Variants in TAFA2 observed in about 807,000 individuals in gnomAD.
TAFA2 encodes the protein TAFA chemokine like family member 2.
In TAFA2, 7 loss-of-function variants were observed where a neutral mutation model predicts 18.8. That is an observed-to-expected ratio of 0.37 (90% CI 0.21 to 0.70). The LOEUF (loss-of-function observed/expected upper bound fraction) is 0.70, where lower values mean the gene tolerates loss of function less well. Ranked by LOEUF, TAFA2 falls within the 30% of genes least tolerant of loss-of-function variation. The probability of loss-of-function intolerance (pLI) is 0.53; values close to 1 mark genes in which losing one functional copy is unlikely to be tolerated. For missense variants in TAFA2, 122 were observed against 158.1 expected (o/e 0.77, Z 1.23); for synonymous variants, 60 against 54.2 (o/e 1.11, Z -0.47).
intron 1 of TAFA2, among the ~76,000 whole-genome samples, chr12:62,138,246 T>C (rs955432933): frequency 6.6e-6 from 1 of 152,152 alleles, no homozygotes; most frequent in African/African-American, 2.4e-5. Context: ...ATTGTACCAC[T>C]GCACTCCTGC....
At chr12:61,757,501 A>T (rs1256306662) in intron 2 of TAFA2, among the ~76,000 whole-genome samples, 5 of 152,042 alleles carry the variant, frequency 3.3e-5, no homozygotes, top group Admixed American at 3.3e-4. Context: ...ACATTTATAA[A>T]ATAAAGCTTA....
chr12:62,080,239 T>G (rs942049039), intron 1 of TAFA2, among the ~76,000 whole-genome samples: 2 of 152,244 alleles, frequency 1.3e-5, no homozygotes, highest in Non-Finnish European at 2.9e-5. Context: ...TATATCCCAC[T>G]CACTTAGAAT....
At chr12:62,250,895 G>A (rs572739149) in intron 1 of TAFA2, among the ~76,000 whole-genome samples, 1 of 150,292 alleles carries the variant, frequency 6.7e-6, no homozygotes, top group Non-Finnish European at 1.5e-5. Flanking sequence ...AAGAGGATGA[G>A]AGATATGTGG....
chr12:61,879,876 A>T (rs1000084538), intron 1 of TAFA2: 1 of 919,920 alleles, frequency 1.1e-6, no homozygotes, highest in Non-Finnish European at 1.8e-6. Context: ...GAGATCAATA[A>T]GCATACAGAG....
chr12:62,004,097 G>A (rs1268111504), intron 1 of TAFA2, among the ~76,000 whole-genome samples: 2 of 151,906 alleles, frequency 1.3e-5, no homozygotes, highest in Non-Finnish European at 2.9e-5. Context: ...GAATAGCAGT[G>A]ACTAAAATCA....
intron 4 of TAFA2, among the ~76,000 whole-genome samples, chr12:61,717,799 A>G (rs987331315): frequency 6.6e-6 from 1 of 152,120 alleles, no homozygotes; most frequent in African/African-American, 2.4e-5. Flanking sequence ...CATTCTGCAA[A>G]TCAGGAGACC....
At chr12:61,766,601 CT>C in intron 2 of TAFA2, among the ~76,000 whole-genome samples, 1 of 152,148 alleles carries the variant, frequency 6.6e-6, no homozygotes, top group African/African-American at 2.4e-5. Context: ...CTTTTTATAT[CT>C]CTGTTTCCCC....
intron 1 of TAFA2, chr12:62,136,144 GT>G (rs1435762059): frequency 6.6e-6 from 1 of 151,970 alleles, no homozygotes; most frequent in Non-Finnish European, 1.5e-5. Context: ...GAACATTTTT[GT>G]TTTTAAATTA....
At chr12:62,116,781 G>A (rs1330535053) in intron 1 of TAFA2, among the ~76,000 whole-genome samples, 3 of 152,158 alleles carry the variant, frequency 2.0e-5, no homozygotes, top group Admixed American at 2.0e-4. Flanking sequence ...GTAATGGGCT[G>A]ATCTGTGTTC....
rs988090475 is a variant in TAFA2 at position 62,191,721 on chromosome 12, G to A, written c.-464C>T. 2.0e-5 allele frequency: 3 copies of A among 152,204 alleles called. No individual in the cohort carries two copies. Among genetic ancestry groups the A allele is most frequent in the African/African-American group, 7.2e-5 (3 of 41,450 alleles). 9.4% of individuals were successfully genotyped at this position (152,204 alleles called of 1,614,324 possible). On this transcript the variant is annotated 5_prime_UTR_variant, in exon 1 of 5. Coordinates refer to ENST00000416284, the MANE Select transcript of TAFA2 (RefSeq NM_178539.5). ...AGCTCCCTGGACTGCAAGAATCAAG[G>A]CGGTCTTGCTGCAATTACCGCTCTT...
intron 2 of TAFA2, among the ~76,000 whole-genome samples, chr12:61,811,533 C>T (rs1011078417): frequency 6.6e-6 from 1 of 151,362 alleles, no homozygotes; most frequent in Non-Finnish European, 1.5e-5. Flanking sequence ...AGGACATGAA[C>T]TATGACACAA....
chr12:62,112,491 C>A (rs970942022), intron 1 of TAFA2, among the ~76,000 whole-genome samples: 4 of 152,076 alleles, frequency 2.6e-5, no homozygotes, highest in Admixed American at 1.3e-4. Context: ...CAAGGAGTAT[C>A]TTTGTGGTGT....
chr12:61,995,987 C>A (rs918180298), intron 1 of TAFA2, among the ~76,000 whole-genome samples: 2 of 152,010 alleles, frequency 1.3e-5, no homozygotes, highest in African/African-American at 4.8e-5. Context: ...CCTCCTCCCC[C>A]ACAAAAAGAC....
chr12:62,136,193 A>C (rs1370442231), intron 1 of TAFA2, among the ~76,000 whole-genome samples: 1 of 152,144 alleles, frequency 6.6e-6, no homozygotes, highest in Non-Finnish European at 1.5e-5. Context: ...ATTTACTTTC[A>C]TCAGTTTAGA....
Position 61,787,945 on chromosome 12 carries a change from G to A in TAFA2, c.107-32921C>T, listed in dbSNP as rs1159129971. On this transcript the variant is annotated intron_variant, in intron 2 of 4. Transcript: ENST00000416284. ...AAAAAACAAGACTCAACTGTGTGCTGCTTATAAAAGACTCACTTCACCTAT... is the reference window on the plus strand; with the variant it reads ...AAAAAACAAGACTCAACTGTGTGCTACTTATAAAAGACTCACTTCACCTAT... Among the ~76,000 whole-genome samples, 7 of 151,616 alleles carry A rather than the reference G, an allele frequency of 4.6e-5. No homozygotes were observed. In the Admixed American group the frequency reaches 4.6e-4, roughly 10 times the overall value.
rs576177100 is a variant in TAFA2, at chr12:62,240,054, A to G, written c.-130+18709T>C. ...GTTATATATATTATATAACAAATAT[A>G]TATGTTGCATAATTATATATATTTA... On this transcript the variant is annotated intron_variant, in intron 1 of 5. Transcript: ENST00000551619. Among the ~76,000 whole-genome samples the G allele has an allele frequency of 4.0e-5, 6 of 151,224 alleles. No homozygotes were observed. The East Asian group carries it at 1.2e-3, about 29-fold the overall frequency.
chr12:62,140,493 A>C (rs1429900588), intron 1 of TAFA2: 1 of 152,202 alleles, frequency 6.6e-6, no homozygotes, highest in Non-Finnish European at 1.5e-5. Context: ...AACAGTACTC[A>C]CTTCAGAGCT....
chr12:61,791,728 G>C (rs1254776009), intron 2 of TAFA2, among the ~76,000 whole-genome samples: 3 of 151,702 alleles, frequency 2.0e-5, no homozygotes, highest in Admixed American at 2.0e-4. Flanking sequence ...AGAAGTGTTG[G>C]TGAGGATGTG....
intron 2 of TAFA2, among the ~76,000 whole-genome samples, chr12:61,757,987 G>A (rs1434105339): frequency 6.6e-6 from 1 of 151,952 alleles, no homozygotes; most frequent in African/African-American, 2.4e-5. Context: ...ATGTCTAAAA[G>A]AGGGATATTA....
Sources: allele counts gnomAD v4.1 joint callset (sites outside exome capture counted in the v4.1 genomes callset), GRCh38; gene constraint gnomAD v4.1.1; transcripts MANE v1.5; gene names NCBI Gene and HGNC (gene_info 2026-07-23, HGNC 2026-07-21).